The following CAPN1 variants were observed in gnomAD, a reference collection of about 807,000 sequenced individuals.
The protein encoded by CAPN1 is calpain-1 catalytic subunit.
In CAPN1, 77 loss-of-function variants were observed where a neutral mutation model predicts 105.2. That is an observed-to-expected ratio of 0.73 (90% CI 0.61 to 0.88). CAPN1 has a LOEUF of 0.88. Ranked by LOEUF, CAPN1 falls within the 40% of genes least tolerant of loss-of-function variation. The pLI, the probability that CAPN1 is intolerant of heterozygous loss-of-function variation, is 0.00. For synonymous variants in CAPN1, 355 were observed against 388.8 expected (o/e 0.91, Z 1.02); for missense variants, 833 against 976.6 (o/e 0.85, Z 1.96).
At position 65,209,025 on chromosome 11, in the gene CAPN1, T is replaced by C; in HGVS notation, c.1730-298T>C. 2.1e-6 allele frequency: 1 copy of C among 474,924 alleles called. No homozygotes were observed. Among genetic ancestry groups the C allele is most frequent in the Non-Finnish European group, 3.9e-6 (1 of 257,826 alleles). 29.4% of individuals were successfully genotyped at this position (474,924 alleles called of 1,614,324 possible). On this transcript the variant is annotated intron_variant, in intron 16 of 21. Coordinates refer to ENST00000279247, the MANE Select transcript of CAPN1 (RefSeq NM_005186.4). The surrounding 1 kb of genome is among the most constrained non-coding windows in gnomAD (Gnocchi z 4.1). ...GCTAGTGAAGCACTGCTTACCCTCCTAGCCTACAGCAAGCCCTGCCCTGCC... is the reference window on the plus strand; with the variant it reads ...GCTAGTGAAGCACTGCTTACCCTCCCAGCCTACAGCAAGCCCTGCCCTGCC...
At chr11:65,185,601 T>G (rs1311526726) in intron 4 of CAPN1, among the ~76,000 whole-genome samples, 1 of 151,374 alleles carries the variant, frequency 6.6e-6, no homozygotes, top group East Asian at 1.9e-4. Flanking sequence ...GAAGTATATT[T>G]CAGGGTGAAA....
At chr11:65,187,493 T>A in intron 7 of CAPN1, 195 bp downstream of exon 7, 1 of 595,164 alleles carries the variant, frequency 1.7e-6, no homozygotes, top group Non-Finnish European at 3.0e-6. Context: ...AGTTCATGTG[T>A]GCAGCTGCCT....
At chr11:65,202,639 C>T (rs987847652) in intron 10 of CAPN1, among the ~76,000 whole-genome samples, 2 of 151,434 alleles carry the variant, frequency 1.3e-5, no homozygotes, top group Admixed American at 6.6e-5. Flanking sequence ...GACGGGGTTT[C>T]ACCACGTTGG....
chr11:65,186,967 A>G (rs530306889), intron 6 of CAPN1, among the ~76,000 whole-genome samples: 7 of 152,310 alleles, frequency 4.6e-5, no homozygotes, highest in African/African-American at 1.4e-4. Flanking sequence ...GGCCAGTAGC[A>G]GTGTCAGCGG....
At chr11:65,194,138 T>C (rs1948759478) in intron 10 of CAPN1, among the ~76,000 whole-genome samples, 1 of 151,942 alleles carries the variant, frequency 6.6e-6, no homozygotes, top group Non-Finnish European at 1.5e-5. Context: ...ATTTTTTTTT[T>C]TGTATTTTTA....
At position 65,183,729 on chromosome 11, in the gene CAPN1, C is replaced by T. The variant is rs1384573605; in HGVS notation, c.456+137C>T. 3.6e-5 allele frequency: 23 copies of T among 639,848 alleles called. No individual in the cohort carries two copies. In the East Asian group the frequency reaches 6.3e-4, roughly 18 times the overall value. 39.6% of individuals were successfully genotyped at this position (639,848 alleles called of 1,614,324 possible). A position where few individuals can be genotyped will look rare whatever the true frequency, so the allele number is the denominator to read the frequency against. On this transcript the variant is annotated intron_variant, in intron 4 of 21. Coordinates refer to ENST00000279247, the MANE Select transcript of CAPN1 (RefSeq NM_005186.4). ...CAGGTATTTGACCTCTCAGTGCCATCTCGGGTCTGTCATGTGTGAAGTGAC... is the reference window on the plus strand; with the variant it reads ...CAGGTATTTGACCTCTCAGTGCCATTTCGGGTCTGTCATGTGTGAAGTGAC...
At chr11:65,190,779 C>T (rs1286709231) in intron 10 of CAPN1, among the ~76,000 whole-genome samples, 3 of 150,536 alleles carry the variant, frequency 2.0e-5, no homozygotes, top group Non-Finnish European at 4.4e-5. Context: ...GTGGCGCGAT[C>T]TCGGCTCACT....
In CAPN1 at chr11:65,188,829, C is replaced by G. The variant is rs1167037686; in HGVS notation, c.1165+83C>G. The G allele has an allele frequency of 5.2e-6, 6 of 1,148,256 alleles. No individual in the cohort carries two copies. The Admixed American group carries it at 1.4e-4, about 26-fold the overall frequency. The allele number at this position is 1,148,256 out of a possible 1,614,324, so 71.1% of individuals were successfully genotyped here. ...ACGTCATCTTACTGAGCCTCCGTTT[C>G]CTCACTTGCAAGATATAGGCTGATC... On this transcript the variant is annotated intron_variant, in intron 10 of 21. Transcript: ENST00000279247. The surrounding 1 kb of genome is among the most constrained non-coding windows in gnomAD (Gnocchi z 5.5).
At chr11:65,198,133 A>C in intron 10 of CAPN1, among the ~76,000 whole-genome samples, 1 of 116,456 alleles carries the variant, frequency 8.6e-6, no homozygotes, top group East Asian at 2.5e-4. Flanking sequence ...AAAGTTAGTT[A>C]ATCAGTGTCT....
intron 10 of CAPN1, among the ~76,000 whole-genome samples, chr11:65,202,496 G>A (rs1176432751): frequency 6.6e-6 from 1 of 152,106 alleles, no homozygotes; most frequent in Admixed American, 6.6e-5. Context: ...AGGCTGGAGT[G>A]CAGTGGCCAG....
chr11:65,197,768 A>C (rs1219840075), intron 10 of CAPN1, among the ~76,000 whole-genome samples: 1 of 151,692 alleles, frequency 6.6e-6, no homozygotes, highest in Non-Finnish European at 1.5e-5. Context: ...GGTGCCTGTA[A>C]TGCCAGCTAC....
intron 10 of CAPN1, among the ~76,000 whole-genome samples, chr11:65,193,000 A>G (rs1335378208): frequency 6.9e-6 from 1 of 144,070 alleles, no homozygotes; most frequent in South Asian, 2.1e-4. Flanking sequence ...TTTTTTTTTG[A>G]GACAGAGTCT....
chr11:65,205,804 G>T, intron 12 of CAPN1, 83 bp downstream of exon 12: 1 of 1,291,036 alleles, frequency 7.7e-7, no homozygotes, highest in Non-Finnish European at 1.1e-6. Context: ...AACCCACCCT[G>T]GCCTGGAGAG....
Position 65,209,379 on chromosome 11 carries a change from C to T in CAPN1, c.1786C>T (p.Leu596Phe). Residue 596 changes from leucine to phenylalanine, a missense_variant, in exon 17 of 22, where the codon CTC becomes TTC. Transcript: ENST00000279247. This position sits in a 1 kb window ranked among gnomAD's most constrained non-coding sequence, Gnocchi z 4.1. ...SLESCRSMVN[L>F]MDRDGNGKLG... ...AGAGTCGTGCCGCAGCATGGTGAAC[C>T]TCATGGATGTATCCTTCCGTTTGCT... is the stretch of plus-strand genomic sequence containing the variant. The T allele has an allele frequency of 6.2e-7, 1 of 1,613,536 alleles. No homozygotes were observed. The highest frequency in any genetic ancestry group is 8.5e-7 in the Non-Finnish European group (1 of 1,179,606).
At chr11:65,183,625 G>T (rs1016121265) in intron 4 of CAPN1, 33 bp downstream of exon 4, 1 of 1,446,778 alleles carries the variant, frequency 6.9e-7, no homozygotes. Flanking sequence ...GGGGCAGCAG[G>T]CACTGGGGGA....
intron 10 of CAPN1, among the ~76,000 whole-genome samples, chr11:65,199,925 C>G (rs377139033): frequency 6.6e-6 from 1 of 152,134 alleles, no homozygotes; most frequent in Non-Finnish European, 1.5e-5. Flanking sequence ...GTTATCACGC[C>G]TTGTTTGCTT....
chr11:65,188,323 G>A lies in CAPN1; in HGVS notation c.930-91G>A, dbSNP rs891761557. 6.0e-5 allele frequency: 72 copies of A among 1,196,292 alleles called. No individual in the cohort carries two copies. The highest frequency in any genetic ancestry group is 3.6e-4 in the Admixed American group (17 of 46,766). The allele number at this position is 1,196,292 out of a possible 1,614,324, so 74.1% of individuals were successfully genotyped here. A position where few individuals can be genotyped will look rare whatever the true frequency, so the allele number is the denominator to read the frequency against. On this transcript the variant is annotated intron_variant, in intron 8 of 21. Coordinates refer to ENST00000279247, the MANE Select transcript of CAPN1 (RefSeq NM_005186.4). The surrounding 1 kb of genome is among the most constrained non-coding windows in gnomAD (Gnocchi z 5.5). ...TTGAGGAGGCCACCTGGGCTGGGCCGGGGGAAGACAGGCCAGGGTAGACAG... is the reference window on the plus strand; with the variant it reads ...TTGAGGAGGCCACCTGGGCTGGGCCAGGGGAAGACAGGCCAGGGTAGACAG...
At chr11:65,187,470 C>T (rs1565394094) in intron 7 of CAPN1, 172 bp downstream of exon 7, 5 of 607,312 alleles carry the variant, frequency 8.2e-6, no homozygotes, top group Non-Finnish European at 1.2e-5. Context: ...CATGTCCTGC[C>T]CTGACTGACT....
chr11:65,205,932 G>C, intron 12 of CAPN1: 1 of 587,002 alleles, frequency 1.7e-6, no homozygotes. Flanking sequence ...AGCTGGATTT[G>C]AGCCCTGGTC....
Sources: allele counts gnomAD v4.1 joint callset (sites outside exome capture counted in the v4.1 genomes callset), GRCh38; gene constraint gnomAD v4.1.1; non-coding constraint Gnocchi (gnomAD v3.1); transcripts MANE v1.5; gene names NCBI Gene and HGNC (gene_info 2026-07-23, HGNC 2026-07-21).